Variants in ZNF747 observed in about 807,000 individuals in gnomAD.
ZNF747 encodes the protein zinc finger protein 747.
A neutral mutation model predicts 13.4 loss-of-function variants in ZNF747; 14 were observed. The ratio of observed to expected loss-of-function variants is 1.04; its 90% CI spans 0.69 to 1.63. The LOEUF (loss-of-function observed/expected upper bound fraction) is 1.63, where lower values mean the gene tolerates loss of function less well. Among genes scored for constraint, ZNF747 ranks in the 40% most tolerant of loss-of-function variants. The pLI is 0.00. For missense variants in ZNF747, 532 were observed against 477.9 expected (o/e 1.11, Z -1.05); for synonymous variants, 212 against 206.5 (o/e 1.03, Z -0.23).
At chr16:30,533,751 T>TAAAA (rs544579318) in intron 2 of ZNF747, among the ~76,000 whole-genome samples, 1 of 109,842 alleles carries the variant, frequency 9.1e-6, no homozygotes, top group African/African-American at 3.6e-5. Context: ...TTTTTTTAAT[T>TAAAA]AAAAAAAAAA....
chr16:30,533,687 G>A lies in ZNF747; in HGVS notation c.343+510C>T, dbSNP rs1439752932. Among the ~76,000 whole-genome samples, 4 of 150,518 alleles carry A rather than the reference G, an allele frequency of 2.7e-5. No homozygotes were observed. The East Asian group carries it at 7.8e-4, about 29-fold the overall frequency. The stretch of plus-strand genomic sequence containing the variant: ...CTTTGGGAGGCCGAGATAGAGGATC[G>A]CTAGAGTTCGAGACCAGCTCGGGCA... On this transcript the variant is annotated intron_variant, in intron 2 of 2. Coordinates refer to ENST00000693075, the MANE Select transcript of ZNF747 (RefSeq NM_001305018.2).
chr16:30,534,333 C>T lies in ZNF747; in HGVS notation c.230-23G>A, dbSNP rs757921486. ...CTCCTGGGGGAGAAGAACGCAAACC[C>T]CACGCTGCGAGGAGGCCGCCTGCCC... is the stretch of plus-strand genomic sequence containing the variant. On this transcript the variant is annotated intron_variant, in intron 1 of 2. Coordinates refer to ENST00000693075, the MANE Select transcript of ZNF747 (RefSeq NM_001305018.2). 2.5e-5 allele frequency: 39 copies of T among 1,561,186 alleles called. No individual in the cohort carries two copies. The Admixed American group carries it at 7.4e-4, about 30-fold the overall frequency.
In ZNF747 at chr16:30,534,247, G is replaced by T; in HGVS notation, c.293C>A (p.Pro98Gln). The T allele has an allele frequency of 6.2e-7, 1 of 1,604,742 alleles. No homozygotes were observed. The highest frequency in any genetic ancestry group is 8.5e-7 in the Non-Finnish European group (1 of 1,175,950). ...WVEEKAELWD[P>Q]AAQDPEVAKC... ...CGCCACCTCCGGATCCTGGGCAGCCGGATCCCACAGTTCGGCCTTCTCCTC... is the reference window on the plus strand; with the variant it reads ...CGCCACCTCCGGATCCTGGGCAGCCTGATCCCACAGTTCGGCCTTCTCCTC... Residue 98 changes from proline (P) to glutamine (Q), a missense_variant, in exon 2 of 3, where the codon CCG (proline) becomes CAG (glutamine). Physicochemically the swap from Pro to Gln is moderately conservative, Grantham distance 76. Coordinates refer to ENST00000693075, the MANE Select transcript of ZNF747 (RefSeq NM_001305018.2).
Position 30,532,721 on chromosome 16 carries a change from G to GC in ZNF747, c.773dup (p.Val259ArgfsTer38). Reference sequence around the variant, plus strand: ...GGTAGGGCTTCTCGCCAGTGTGAACGCGCAGGTGAGAAGTCAGCGCCGTGC... The same window carrying GC: ...GGTAGGGCTTCTCGCCAGTGTGAACGCCGCAGGTGAGAAGTCAGCGCCGTGC... On this transcript the variant is annotated frameshift_variant, in exon 3 of 3. Coordinates refer to ENST00000693075, the MANE Select transcript of ZNF747 (RefSeq NM_001305018.2). LOFTEE classifies it low-confidence loss of function (END_TRUNC). 1 of 1,540,062 alleles carries GC rather than the reference G, an allele frequency of 6.5e-7. No homozygotes were observed. The highest frequency in any genetic ancestry group is 8.7e-7 in the Non-Finnish European group (1 of 1,146,920).
rs372417039 is a variant in ZNF747 at position 30,533,056 on chromosome 16, C to A, written c.439G>T (p.Ala147Ser). The A allele has an allele frequency of 2.2e-4, 355 of 1,612,736 alleles. 2 individuals are homozygous for A. Among genetic ancestry groups the A allele is most frequent in the Middle Eastern group, 1.3e-3 (7 of 5,226 alleles). The change falls in exon 3 of 3, where the codon GCT (alanine) becomes TCT (serine). Residue 147 changes from alanine (A) to serine (S), a missense_variant. Transcript: ENST00000693075. The part of the protein sequence containing the change: ...PVAAGSPGLK[A>S]PQAPFAGLEQ... The stretch of plus-strand genomic sequence containing the variant: ...AACCCGGCAAAGGGGGCTTGGGGAG[C>A]CTTCAGCCCAGGAGACCCGGCGGCC...
chr16:30,534,723 G>A lies in ZNF747; in HGVS notation c.-44C>T. 1.4e-6 allele frequency: 2 copies of A among 1,476,214 alleles called. No homozygotes were observed. Among genetic ancestry groups the A allele is most frequent in the Non-Finnish European group, 1.8e-6 (2 of 1,116,154 alleles). 91.4% of individuals were successfully genotyped at this position (1,476,214 alleles called of 1,614,324 possible). A position where few individuals can be genotyped will look rare whatever the true frequency, so the allele number is the denominator to read the frequency against. On this transcript the variant is annotated 5_prime_UTR_variant, in exon 1 of 3. Coordinates refer to ENST00000693075, the MANE Select transcript of ZNF747 (RefSeq NM_001305018.2). ...GGCATGCGGAACCTCCCGCGCCCGA[G>A]AACACTTCCCCGGCCCGGTACCAAG... is the stretch of plus-strand genomic sequence containing the variant.
chr16:30,533,044 G>T lies in ZNF747; in HGVS notation c.451C>A (p.Pro151Thr). 6.2e-7 allele frequency: 1 copy of T among 1,612,780 alleles called. No homozygotes were observed. Reference sequence around the variant, plus strand: ...GACAGCTGCTCCAACCCGGCAAAGGGGGCTTGGGGAGCCTTCAGCCCAGGA... The same window carrying T: ...GACAGCTGCTCCAACCCGGCAAAGGTGGCTTGGGGAGCCTTCAGCCCAGGA... Reference protein sequence around the residue: ...GSPGLKAPQAPFAGLEQLSKA... With the variant: ...GSPGLKAPQATFAGLEQLSKA... The change falls in exon 3 of 3, where the codon CCC becomes ACC. Residue 151 changes from proline to threonine, a missense_variant. Physicochemically the swap from Pro to Thr is conservative, Grantham distance 38. Transcript: ENST00000693075.
Position 30,534,438 on chromosome 16 carries a change from G to C in ZNF747, c.229+13C>G. The C allele has an allele frequency of 6.3e-7, 1 of 1,577,540 alleles. No individual in the cohort carries two copies. Among genetic ancestry groups the C allele is most frequent in the South Asian group, 1.2e-5 (1 of 86,746 alleles). On this transcript the variant is annotated intron_variant, in intron 1 of 2. Transcript: ENST00000693075. The stretch of plus-strand genomic sequence containing the variant: ...GGAGGCGCAGGGCCCAGGCAAGCAG[G>C]TGGGGCTCTCACCGAGCGCGCCCAG...
Position 30,534,788 on chromosome 16 carries a change from G to A in ZNF747, c.-109C>T, listed in dbSNP as rs1468636209. ...CAGTAGAGCCCCCGAAGGCCCACTA[G>A]AGGGGATGGAAACTAAGGGCCGATG... On this transcript the variant is annotated 5_prime_UTR_variant, in exon 1 of 3. Coordinates refer to ENST00000693075, the MANE Select transcript of ZNF747 (RefSeq NM_001305018.2). The A allele has an allele frequency of 7.1e-7, 1 of 1,416,020 alleles. No individual in the cohort carries two copies. The highest frequency in any genetic ancestry group is 9.2e-7 in the Non-Finnish European group (1 of 1,081,498). 87.7% of individuals were successfully genotyped at this position (1,416,020 alleles called of 1,614,324 possible).
chr16:30,533,929 C>A (rs186630961), intron 2 of ZNF747, among the ~76,000 whole-genome samples: 46 of 152,126 alleles, frequency 3.0e-4, no homozygotes, highest in Admixed American at 2.5e-3. Flanking sequence ...GACCCTGTCT[C>A]TAAAACAAAA....
chr16:30,534,740 G>C lies in ZNF747; in HGVS notation c.-61C>G, dbSNP rs1306890052. 4.1e-6 allele frequency: 6 copies of C among 1,459,626 alleles called. No individual in the cohort carries two copies. Among genetic ancestry groups the C allele is most frequent in the Non-Finnish European group, 5.4e-6 (6 of 1,109,690 alleles). 90.4% of individuals were successfully genotyped at this position (1,459,626 alleles called of 1,614,324 possible). On this transcript the variant is annotated 5_prime_UTR_variant, in exon 1 of 3. Coordinates refer to ENST00000693075, the MANE Select transcript of ZNF747 (RefSeq NM_001305018.2). ...GCGCCCGAGAACACTTCCCCGGCCCGGTACCAAGGGAAGGAGGGACGTCAG... is the reference window on the plus strand; with the variant it reads ...GCGCCCGAGAACACTTCCCCGGCCCCGTACCAAGGGAAGGAGGGACGTCAG...
rs1354911708 is a variant in ZNF747, at chr16:30,531,648, G to T, written c.*851C>A. 1 of 152,172 alleles carries T rather than the reference G, an allele frequency of 6.6e-6. No individual in the cohort carries two copies. The highest frequency in any genetic ancestry group is 6.5e-5 in the Admixed American group (1 of 15,270). 9.4% of individuals were successfully genotyped at this position (152,172 alleles called of 1,614,324 possible). The stretch of plus-strand genomic sequence containing the variant: ...TGCAAAAAAATTTAAAAATTAGCCA[G>T]GCATAGTGTTGCCCACCTGTAGTCA... On this transcript the variant is annotated 3_prime_UTR_variant, in exon 3 of 3. Transcript: ENST00000693075.
In ZNF747 at chr16:30,533,004, C is replaced by T. The variant is rs761789773; in HGVS notation, c.491G>A (p.Arg164Gln). ...GTGGGCAAAAAAGCGGGGGCGACTC[C>T]GGCGCCGGGCCTTGGACAGCTGCTC... ...GLEQLSKARR[R>Q]SRPRFFAHPP... The change falls in exon 3 of 3, where the codon CGG becomes CAG. Residue 164 changes from arginine to glutamine, a missense_variant. By Grantham distance (43) the Arg-to-Gln change is conservative. Coordinates refer to ENST00000693075, the MANE Select transcript of ZNF747 (RefSeq NM_001305018.2). The T allele has an allele frequency of 9.3e-6, 15 of 1,609,984 alleles. No homozygotes were observed. The highest frequency in any genetic ancestry group is 4.0e-5 in the African/African-American group (3 of 74,780).
rs928314522 is a variant in ZNF747 at position 30,530,400 on chromosome 16, C to T, written c.*2099G>A. The T allele has an allele frequency of 6.6e-6, 1 of 152,178 alleles. No homozygotes were observed. Among genetic ancestry groups the T allele is most frequent in the Non-Finnish European group, 1.5e-5 (1 of 68,028 alleles). 9.4% of individuals were successfully genotyped at this position (152,178 alleles called of 1,614,324 possible). Reference sequence around the variant, plus strand: ...AATCACGGCATCTTTAATTGGCAAACTCAGGGCCAAGATCTATCTGGCTGT... The same window carrying T: ...AATCACGGCATCTTTAATTGGCAAATTCAGGGCCAAGATCTATCTGGCTGT... On this transcript the variant is annotated 3_prime_UTR_variant, in exon 3 of 3. Coordinates refer to ENST00000693075, the MANE Select transcript of ZNF747 (RefSeq NM_001305018.2). The surrounding 1 kb of genome is among the most constrained non-coding windows in gnomAD (Gnocchi z 4.4).
At position 30,531,295 on chromosome 16, in the gene ZNF747, G is replaced by A. The variant is rs954824811; in HGVS notation, c.*1204C>T. 4 of 152,210 alleles carry A rather than the reference G, an allele frequency of 2.6e-5. No homozygotes were observed. The highest frequency in any genetic ancestry group is 7.2e-5 in the African/African-American group (3 of 41,444). The allele number at this position is 152,210 out of a possible 1,614,324, so 9.4% of individuals were successfully genotyped here. On this transcript the variant is annotated 3_prime_UTR_variant, in exon 3 of 3. Transcript: ENST00000693075. ...CTCCGGCCCAACTCCCAACAACTGC[G>A]ACTTTCTGAGAGCCTAGGTGAACTT... is the stretch of plus-strand genomic sequence containing the variant.
At position 30,534,510 on chromosome 16, in the gene ZNF747, G is replaced by A. The variant is rs148562579; in HGVS notation, c.170C>T (p.Ala57Val). 405 of 1,609,066 alleles carry A rather than the reference G, an allele frequency of 2.5e-4. 1 individual carries two copies. Among genetic ancestry groups the A allele is most frequent in the Non-Finnish European group, 3.2e-4 (372 of 1,178,242 alleles). The part of the protein sequence containing the change: ...SREEWGCLRP[A>V]QRALYRDVMR... ...CACGTCCCGGTACAGGGCCCTCTGC[G>A]CGGGCCGCAGGCAGCCCCACTCCTC... Residue 57 changes from alanine (A) to valine (V), a missense_variant, in exon 1 of 3, where the codon GCG (alanine) becomes GTG (valine). Physicochemically the swap from Ala to Val is moderately conservative, Grantham distance 64. Coordinates refer to ENST00000693075, the MANE Select transcript of ZNF747 (RefSeq NM_001305018.2).
chr16:30,532,518 A>C lies in ZNF747; in HGVS notation c.977T>G (p.Ile326Arg), dbSNP rs760818124. Reference protein sequence around the residue: ...PPVGFQLYPEIFQECG With the variant: ...PPVGFQLYPERFQECG ...AGGCCGTCACCCACATTCCTGGAATATCTCTGGATACAGCTGGAAGCCCAC... is the reference window on the plus strand; with the variant it reads ...AGGCCGTCACCCACATTCCTGGAATCTCTCTGGATACAGCTGGAAGCCCAC... Residue 326 changes from isoleucine to arginine, a missense_variant, in exon 3 of 3, where the codon ATA becomes AGA. By Grantham distance (97) the Ile-to-Arg change is moderately conservative (BLOSUM62 -3). Coordinates refer to ENST00000693075, the MANE Select transcript of ZNF747 (RefSeq NM_001305018.2). 3.1e-6 allele frequency: 5 copies of C among 1,605,384 alleles called. No homozygotes were observed. The highest frequency in any genetic ancestry group is 4.2e-6 in the Non-Finnish European group (5 of 1,177,354).
In ZNF747 at chr16:30,532,381, A is replaced by C. The variant is rs2051387094; in HGVS notation, c.*118T>G. On this transcript the variant is annotated 3_prime_UTR_variant, in exon 3 of 3. Transcript: ENST00000693075. ...GAGAGCCCAAGATCAGACTGTCCGC[A>C]CCCCAGGCCAGCTCTTGCGGTGGAT... 5.0e-6 allele frequency: 6 copies of C among 1,194,958 alleles called. No individual in the cohort carries two copies. The highest frequency in any genetic ancestry group is 4.2e-5 in the Admixed American group (2 of 47,404). 74.0% of individuals were successfully genotyped at this position (1,194,958 alleles called of 1,614,324 possible). A position where few individuals can be genotyped will look rare whatever the true frequency, so the allele number is the denominator to read the frequency against.
At position 30,534,592 on chromosome 16, in the gene ZNF747, C is replaced by T. The variant is rs748198869; in HGVS notation, c.88G>A (p.Glu30Lys). Reference protein sequence around the residue: ...PPRDPNGAGSEWRKPGAVSFA... With the variant: ...PPRDPNGAGSKWRKPGAVSFA... ...CTCACGGCCCCGGGCTTTCTCCACT[C>T]GGATCCCGCCCCGTTTGGGTCCCGG... is the stretch of plus-strand genomic sequence containing the variant. Residue 30 changes from glutamate to lysine, a missense_variant, in exon 1 of 3, where the codon GAG becomes AAG. Transcript: ENST00000693075. 1.9e-6 allele frequency: 3 copies of T among 1,601,046 alleles called. No individual in the cohort carries two copies. The highest frequency in any genetic ancestry group is 1.7e-6 in the Non-Finnish European group (2 of 1,175,604).
Sources: gnomAD v4.1 joint callset for allele counts (sites outside exome capture counted in the v4.1 genomes callset) on GRCh38, gnomAD v4.1.1 for gene constraint, Gnocchi (gnomAD v3.1) non-coding constraint, MANE v1.5 for transcripts, NCBI Gene and HGNC (gene_info 2026-07-23, HGNC 2026-07-21) for gene names.